The following CTNNA3 variants were observed in gnomAD, a reference collection of about 807,000 sequenced individuals.
CTNNA3 encodes the protein catenin alpha 3, also known as catenin alpha-3.
In CTNNA3, 76 loss-of-function variants were observed where a neutral mutation model predicts 95.7. The ratio of observed to expected loss-of-function variants is 0.79; its 90% CI spans 0.66 to 0.96. The LOEUF (loss-of-function observed/expected upper bound fraction) is 0.96, where lower values mean the gene tolerates loss of function less well. Among genes scored for constraint, CTNNA3 ranks in the 40% least tolerant of loss-of-function variants. CTNNA3 has a pLI of 0.00. For synonymous variants in CTNNA3, 431 were observed against 374.4 expected, an observed-to-expected ratio of 1.15 and a Z score of -1.74; for missense variants, 1,191 against 1,089.8, an observed-to-expected ratio of 1.09 and a Z score of -1.31.
chr10:66,644,221 T>C (rs935771197), intron 9 of CTNNA3, among the ~76,000 whole-genome samples: 16 of 151,784 alleles, frequency 1.1e-4, no homozygotes, highest in African/African-American at 3.1e-4. Flanking sequence ...ATCATGCTAC[T>C]GCACACTAGC....
In CTNNA3 at chr10:66,234,675, CTGT is replaced by C. The variant is rs1431969621; in HGVS notation, c.1884+45792_1884+45794del. Among the ~76,000 whole-genome samples the C allele has an allele frequency of 4.6e-5, 7 of 152,288 alleles. No homozygotes were observed. In the East Asian group the frequency reaches 1.2e-3, roughly 25 times the overall value. ...AGGTGAAAAGTATCATGAGAATCAA[CTGT>C]TATTTTGCAAGGTGTAGTAACTCAA... is the stretch of plus-strand genomic sequence containing the variant. On this transcript the variant is annotated intron_variant, in intron 13 of 17. Transcript: ENST00000433211.
At chr10:67,528,039 T>C (rs1403302950) in intron 4 of CTNNA3, among the ~76,000 whole-genome samples, 1 of 152,194 alleles carries the variant, frequency 6.6e-6, no homozygotes, top group East Asian at 1.9e-4. Context: ...GTATCCACCT[T>C]ACAGTCCTGG....
chr10:66,107,082 G>T (rs947259451), intron 13 of CTNNA3, among the ~76,000 whole-genome samples: 2 of 152,120 alleles, frequency 1.3e-5, no homozygotes, highest in African/African-American at 4.8e-5. Flanking sequence ...CCTCAGCAAA[G>T]ATTCACTCTA....
intron 9 of CTNNA3, among the ~76,000 whole-genome samples, chr10:66,692,871 A>G (rs1847605276): frequency 1.3e-5 from 2 of 152,130 alleles, no homozygotes; most frequent in South Asian, 4.1e-4. Flanking sequence ...TAAGCTTCAT[A>G]AGTGAAGGAG....
intron 13 of CTNNA3, among the ~76,000 whole-genome samples, chr10:66,142,147 G>A (rs1482415922): frequency 6.6e-6 from 1 of 151,932 alleles, no homozygotes; most frequent in Non-Finnish European, 1.5e-5. Context: ...ATTTATTTAG[G>A]TCTTTATCCA....
intron 1 of CTNNA3, among the ~76,000 whole-genome samples, chr10:67,675,241 T>C (rs1435937107): frequency 2.3e-4 from 35 of 152,168 alleles, no homozygotes; most frequent in Admixed American, 2.2e-3. Context: ...TTTTGTTAAA[T>C]GATGTATGAG....
chr10:66,525,625 G>GA (rs1374924204), intron 10 of CTNNA3, among the ~76,000 whole-genome samples: 2 of 152,170 alleles, frequency 1.3e-5, no homozygotes, highest in African/African-American at 4.8e-5. Context: ...ACAAAAGAGA[G>GA]AGAGTGTGTG....
intron 5 of CTNNA3, among the ~76,000 whole-genome samples, chr10:67,304,784 T>G (rs867529701): frequency 6.6e-6 from 1 of 151,962 alleles, no homozygotes; most frequent in African/African-American, 2.4e-5. Flanking sequence ...CAGGTAGTTA[T>G]AGTTATTAGT....
intron 5 of CTNNA3, among the ~76,000 whole-genome samples, chr10:67,318,506 A>G (rs984937765): frequency 6.6e-6 from 1 of 152,220 alleles, no homozygotes; most frequent in Non-Finnish European, 1.5e-5. Context: ...TGCATAAACC[A>G]AAGAACAAAC....
intron 5 of CTNNA3, among the ~76,000 whole-genome samples, chr10:67,404,436 G>T (rs970621819): frequency 6.6e-6 from 1 of 151,576 alleles, no homozygotes; most frequent in African/African-American, 2.4e-5. Flanking sequence ...AGCAGAATAG[G>T]CCAAGCAGAA....
intron 13 of CTNNA3, among the ~76,000 whole-genome samples, chr10:66,178,460 A>AAG (rs1428683186): frequency 1.2e-5 from 1 of 84,798 alleles, no homozygotes; most frequent in Admixed American, 1.4e-4. Context: ...CAGATATAGA[A>AAG]AGAGAGAGGT....
At chr10:67,205,756 A>G (rs1863868209) in intron 6 of CTNNA3, among the ~76,000 whole-genome samples, 1 of 152,204 alleles carries the variant, frequency 6.6e-6, no homozygotes, top group African/African-American at 2.4e-5. Flanking sequence ...GGAAAAGGTA[A>G]GGATAAATAC....
intron 7 of CTNNA3, among the ~76,000 whole-genome samples, chr10:67,144,142 G>C (rs1405809610): frequency 6.6e-6 from 1 of 152,210 alleles, no homozygotes; most frequent in Admixed American, 6.5e-5. Context: ...CATTGTCAAT[G>C]AGCAATATTT....
At chr10:67,195,931 A>G (rs1034526245) in intron 6 of CTNNA3, among the ~76,000 whole-genome samples, 1 of 152,142 alleles carries the variant, frequency 6.6e-6, no homozygotes, top group African/African-American at 2.4e-5. Context: ...CCTATTCTCC[A>G]AAGTGAAATT....
rs763587087 is a variant in CTNNA3 at position 65,918,584 on chromosome 10, C to T, written c.*1746G>A. Reference sequence around the variant, plus strand: ...AATTCCCTAATTCCCTTCTTCACTGCCTTTTCTTCTGGGCAGTGCATTCTG... The same window carrying T: ...AATTCCCTAATTCCCTTCTTCACTGTCTTTTCTTCTGGGCAGTGCATTCTG... On this transcript the variant is annotated 3_prime_UTR_variant, in exon 18 of 18. Transcript: ENST00000433211. 2 of 152,130 alleles carry T rather than the reference C, an allele frequency of 1.3e-5. No individual in the cohort carries two copies. The highest frequency in any genetic ancestry group is 2.4e-5 in the African/African-American group (1 of 41,428). The allele number at this position is 152,130 out of a possible 1,614,324, so 9.4% of individuals were successfully genotyped here. A position where few individuals can be genotyped will look rare whatever the true frequency, so the allele number is the denominator to read the frequency against.
intron 3 of CTNNA3, among the ~76,000 whole-genome samples, chr10:67,590,689 T>C (rs1156617039): frequency 6.6e-6 from 1 of 152,162 alleles, no homozygotes; most frequent in East Asian, 1.9e-4. Flanking sequence ...TATACTCTTC[T>C]GTGAAATTCT....
chr10:66,494,973 C>T (rs1449959649), intron 11 of CTNNA3, among the ~76,000 whole-genome samples: 1 of 152,192 alleles, frequency 6.6e-6, no homozygotes, highest in Non-Finnish European at 1.5e-5. Flanking sequence ...AGTTGAGGGA[C>T]TACAGCTCCC....
intron 7 of CTNNA3, among the ~76,000 whole-genome samples, chr10:67,039,257 TG>T (rs1301131074): frequency 5.6e-4 from 86 of 152,280 alleles, no homozygotes; most frequent in African/African-American, 2.0e-3. Context: ...TGTATAGAAC[TG>T]TAGCAGCTGT....
chr10:67,004,688 C>T (rs1484906597), intron 7 of CTNNA3, among the ~76,000 whole-genome samples: 1 of 152,172 alleles, frequency 6.6e-6, no homozygotes, highest in African/African-American at 2.4e-5. Context: ...ACAAATACTG[C>T]TTTCAAAAGA....
Sources: allele counts gnomAD v4.1 joint callset (sites outside exome capture counted in the v4.1 genomes callset), GRCh38; gene constraint gnomAD v4.1.1; transcripts MANE v1.5; gene names NCBI Gene and HGNC (gene_info 2026-07-23, HGNC 2026-07-21).